SAXO1: variants seen among roughly 807,000 people sequenced by gnomAD.
SAXO1 encodes 4930500O09Rik.
SAXO1 carries 21 observed loss-of-function variants against 17.5 expected under a neutral mutation model. The observed-to-expected ratio is 1.20, with a 90% CI of 0.85 to 1.72. The LOEUF is 1.72. Ranked by LOEUF, SAXO1 falls within the 40% of genes most tolerant of loss-of-function variation. The pLI, the probability that SAXO1 is intolerant of heterozygous loss-of-function variation, is 0.00. For synonymous variants in SAXO1, 274 were observed against 216.5 expected (o/e 1.27, Z -2.33); for missense variants, 843 against 596.0 (o/e 1.41, Z -4.32).
At chr9:19,034,293 C>T (rs1239061165), upstream of SAXO1, among the ~76,000 whole-genome samples, 2 of 151,778 alleles carry the variant, frequency 1.3e-5, no homozygotes, top group Non-Finnish European at 2.9e-5. Flanking sequence ...TAGGTTTTTT[C>T]CTTCAGTAAT....
At chr9:18,982,315 T>C (rs746699507) in intron 1 of SAXO1, among the ~76,000 whole-genome samples, 12 of 152,162 alleles carry the variant, frequency 7.9e-5, no homozygotes, top group Non-Finnish European at 1.5e-4. Flanking sequence ...CAATGTCACA[T>C]TTCTTGGAAT....
chr9:18,973,710 A>T (rs1268621644), intron 1 of SAXO1, among the ~76,000 whole-genome samples: 1 of 152,180 alleles, frequency 6.6e-6, no homozygotes, highest in Non-Finnish European at 1.5e-5. Context: ...TCCTCTGCAG[A>T]TTTCCAAAGC....
chr9:19,015,624 T>A (rs544322317), intron 1 of SAXO1, among the ~76,000 whole-genome samples: 2 of 149,752 alleles, frequency 1.3e-5, no homozygotes, highest in Non-Finnish European at 3.0e-5. Flanking sequence ...ATTACAGGCA[T>A]GAGCCATCAC....
chr9:18,966,817 G>A (rs151003837), intron 1 of SAXO1, among the ~76,000 whole-genome samples: 1 of 152,268 alleles, frequency 6.6e-6, no homozygotes, highest in African/African-American at 2.4e-5. Flanking sequence ...TGGGGGAGAA[G>A]AGGCATTCTG....
chr9:19,000,758 G>C (rs1331100410), intron 1 of SAXO1, among the ~76,000 whole-genome samples: 1 of 152,012 alleles, frequency 6.6e-6, no homozygotes, highest in East Asian at 1.9e-4. Context: ...CCAAGCAAAT[G>C]GAAAGCAAAA....
In SAXO1 at chr9:18,937,910, A is replaced by G. The variant is rs139155936; in HGVS notation, c.421+3727T>C. On this transcript the variant is annotated intron_variant, in intron 3 of 3. Coordinates refer to ENST00000380534, the MANE Select transcript of SAXO1 (RefSeq NM_153707.4). ...TGAACTAAGAAAGTAGTATTCAAAA[A>G]AAAACCTCATAAGACACACATGTTG... Among the ~76,000 whole-genome samples the G allele has an allele frequency of 3.3e-5, 5 of 152,350 alleles. No individual in the cohort carries two copies. The East Asian group carries it at 9.7e-4, about 29-fold the overall frequency.
intron 1 of SAXO1, among the ~76,000 whole-genome samples, chr9:18,971,051 AC>A (rs1435206231): frequency 6.6e-6 from 1 of 151,560 alleles, no homozygotes; most frequent in Non-Finnish European, 1.5e-5. Context: ...GTCCCCTCAA[AC>A]CCCCAACCCC....
At chr9:18,936,025 A>AT (rs982228266) in intron 3 of SAXO1, among the ~76,000 whole-genome samples, 3 of 151,928 alleles carry the variant, frequency 2.0e-5, no homozygotes, top group Non-Finnish European at 2.9e-5. Context: ...ATGCTTCTCA[A>AT]TTTTTTTGCA....
intron 2 of SAXO1, 69 bp from the exon 3 acceptor site, chr9:18,941,908 C>T: frequency 1.4e-6 from 2 of 1,438,250 alleles, no homozygotes; most frequent in South Asian, 2.3e-5. Flanking sequence ...TCTGCTCAAC[C>T]CAACTCTACA....
At chr9:18,995,082 C>T (rs1464570813) in intron 1 of SAXO1, among the ~76,000 whole-genome samples, 2 of 152,144 alleles carry the variant, frequency 1.3e-5, no homozygotes, top group African/African-American at 4.8e-5. Context: ...ACTACTTATG[C>T]TTATTTAAGT....
At chr9:18,995,523 G>A (rs1271637969) in intron 1 of SAXO1, among the ~76,000 whole-genome samples, 7 of 152,206 alleles carry the variant, frequency 4.6e-5, no homozygotes. Flanking sequence ...TAGCTTGCAA[G>A]AAAGAACACA....
chr9:19,018,782 G>A lies in SAXO1; in HGVS notation c.38+14089C>T, dbSNP rs191675731. ...TTAGAGACAGGACGCTGAAGTCTGG[G>A]TATGTGCTTTATATGTTAAATATAG... On this transcript the variant is annotated intron_variant, in intron 1 of 3. Transcript: ENST00000380534. Among the ~76,000 whole-genome samples the A allele has an allele frequency of 3.3e-4, 51 of 152,294 alleles. No homozygotes were observed. The East Asian group carries it at 9.1e-3, about 27-fold the overall frequency.
chr9:18,947,332 C>G (rs1053360273), intron 2 of SAXO1, among the ~76,000 whole-genome samples: 17 of 152,216 alleles, frequency 1.1e-4, no homozygotes, highest in African/African-American at 4.1e-4. Context: ...TGCCCTTTCT[C>G]TCTTAGCTCT....
At chr9:18,971,871 T>C (rs61460577) in intron 1 of SAXO1, among the ~76,000 whole-genome samples, 5,534 of 152,218 alleles carry the variant, frequency 0.036, 333 homozygotes, top group African/African-American at 0.13. Context: ...CAATAAAATA[T>C]AGCACTGTAA....
chr9:18,956,991 A>G (rs746754423), intron 1 of SAXO1, among the ~76,000 whole-genome samples: 3 of 152,252 alleles, frequency 2.0e-5, no homozygotes, highest in African/African-American at 4.8e-5. Context: ...TTCAAAGCCT[A>G]TGCTTTTAAA....
chr9:19,026,814 AG>A (rs1163698375), intron 1 of SAXO1: 1 of 520,170 alleles, frequency 1.9e-6, no homozygotes, highest in Non-Finnish European at 3.7e-6. Context: ...GTGGATCACA[AG>A]GTCAGGAGTT....
At chr9:19,006,284 G>A (rs1834478328) in intron 1 of SAXO1, among the ~76,000 whole-genome samples, 1 of 152,198 alleles carries the variant, frequency 6.6e-6, no homozygotes. Context: ...GTATCCAAAA[G>A]AACTGAAAGC....
chr9:18,946,769 T>A (rs987934231), intron 2 of SAXO1, among the ~76,000 whole-genome samples: 3 of 152,074 alleles, frequency 2.0e-5, no homozygotes, highest in Non-Finnish European at 2.9e-5. Flanking sequence ...AAGGCCATAA[T>A]GAATTAAAGG....
intron 1 of SAXO1, among the ~76,000 whole-genome samples, chr9:18,968,322 G>T (rs1358368228): frequency 6.6e-6 from 1 of 152,204 alleles, no homozygotes; most frequent in Non-Finnish European, 1.5e-5. Context: ...TGGGATTACA[G>T]ATGTGAGCCA....
Sources: gnomAD v4.1 joint callset for allele counts (sites outside exome capture counted in the v4.1 genomes callset) on GRCh38, gnomAD v4.1.1 for gene constraint, MANE v1.5 for transcripts, NCBI Gene and HGNC (gene_info 2026-07-23, HGNC 2026-07-21) for gene names.